Variants in ARHGEF38 observed in about 807,000 individuals in gnomAD.
The protein encoded by ARHGEF38 is Rho guanine nucleotide exchange factor (GEF) 38.
In ARHGEF38, 79 loss-of-function variants were observed where a neutral mutation model predicts 79.9. The observed-to-expected ratio is 0.99, with a 90% CI of 0.82 to 1.19. The LOEUF (loss-of-function observed/expected upper bound fraction) is 1.19, where lower values mean the gene tolerates loss of function less well. ARHGEF38 is among the 50% of genes most tolerant of loss of function. The probability of loss-of-function intolerance (pLI) is 0.00; values close to 1 mark genes in which losing one functional copy is unlikely to be tolerated. For missense variants in ARHGEF38, 962 were observed against 907.2 expected (o/e 1.06, Z -0.78); for synonymous variants, 366 against 328.3 (o/e 1.11, Z -1.24).
At chr4:105,584,002 C>T (rs1389797200) in intron 1 of ARHGEF38, among the ~76,000 whole-genome samples, 1 of 152,020 alleles carries the variant, frequency 6.6e-6, no homozygotes, top group Non-Finnish European at 1.5e-5. Flanking sequence ...TCCCTTTTCC[C>T]ACTCTTGATT....
intron 3 of ARHGEF38, among the ~76,000 whole-genome samples, chr4:105,620,276 A>G (rs1728685921): frequency 6.6e-6 from 1 of 152,182 alleles, no homozygotes; most frequent in Non-Finnish European, 1.5e-5. Flanking sequence ...TTTTAATATC[A>G]GGTTGACTTG....
At position 105,677,855 on chromosome 4, in the gene ARHGEF38, A is replaced by G. The variant is rs893025372; in HGVS notation, c.2252A>G (p.Asn751Ser). The G allele has an allele frequency of 1.8e-5, 28 of 1,535,492 alleles. No individual in the cohort carries two copies. The highest frequency in any genetic ancestry group is 2.4e-5 in the Non-Finnish European group (28 of 1,146,458). ...CTCAGGTTTTGTGACCTAAGTGGCA[A>G]TAAAGAGTGGTGGTTAGCTGAAGCT... ...HILRFCDLSG[N>S]KEWWLAEAQG... Residue 751 changes from asparagine to serine, a missense_variant, in exon 14 of 14, where the codon AAT (asparagine) becomes AGT (serine). Asn to Ser is a conservative substitution (Grantham distance 46). Coordinates refer to ENST00000420470, the MANE Select transcript of ARHGEF38 (RefSeq NM_001242729.2).
chr4:105,651,583 A>C (rs528982230), intron 7 of ARHGEF38, among the ~76,000 whole-genome samples: 2 of 152,208 alleles, frequency 1.3e-5, no homozygotes, highest in South Asian at 4.1e-4. Flanking sequence ...TAAAGACAAC[A>C]TATCTGTCAC....
intron 3 of ARHGEF38, among the ~76,000 whole-genome samples, chr4:105,614,796 T>C (rs574590204): frequency 6.6e-6 from 1 of 152,318 alleles, no homozygotes; most frequent in African/African-American, 2.4e-5. Flanking sequence ...TAGCAGCATA[T>C]TCACAAGATT....
intron 1 of ARHGEF38, among the ~76,000 whole-genome samples, chr4:105,558,647 GTTTT>G (rs1725365808): frequency 6.6e-6 from 1 of 150,874 alleles, no homozygotes; most frequent in African/African-American, 2.4e-5. Context: ...ACATCTTGCA[GTTTT>G]TAGAAGGACC....
intron 3 of ARHGEF38, among the ~76,000 whole-genome samples, chr4:105,615,134 G>A (rs1484121043): frequency 3.3e-5 from 5 of 152,326 alleles, no homozygotes; most frequent in Admixed American, 6.5e-5. Context: ...AGGAAATGAA[G>A]AGTGATCAAG....
chr4:105,599,696 G>A (rs1029404677), intron 2 of ARHGEF38, among the ~76,000 whole-genome samples: 5 of 152,106 alleles, frequency 3.3e-5, no homozygotes, highest in African/African-American at 7.2e-5. Context: ...AGTACAGGGC[G>A]ATAAATCCTG....
At chr4:105,642,434 T>C (rs1451129521) in intron 5 of ARHGEF38, among the ~76,000 whole-genome samples, 1 of 152,134 alleles carries the variant, frequency 6.6e-6, no homozygotes, top group Non-Finnish European at 1.5e-5. Context: ...AAGGGAGAGA[T>C]AGAACTTTAA....
At chr4:105,572,901 G>T (rs1417856567) in intron 1 of ARHGEF38, among the ~76,000 whole-genome samples, 2 of 151,982 alleles carry the variant, frequency 1.3e-5, no homozygotes, top group African/African-American at 4.8e-5. Context: ...AACACCTCTG[G>T]CTTATATTTT....
At chr4:105,633,319 T>C (rs2110521047) in intron 4 of ARHGEF38, among the ~76,000 whole-genome samples, 1 of 152,290 alleles carries the variant, frequency 6.6e-6, no homozygotes, top group South Asian at 2.1e-4. Context: ...CTGAGGGCAG[T>C]AGAATTATTG....
intron 1 of ARHGEF38, among the ~76,000 whole-genome samples, chr4:105,553,392 A>G (rs1021804961): frequency 9.9e-5 from 15 of 152,172 alleles, no homozygotes; most frequent in African/African-American, 3.6e-4. Flanking sequence ...CTGAACTATG[A>G]TTGTGGTTAT....
At chr4:105,640,311 GTTGA>G (rs1729567463) in intron 5 of ARHGEF38, among the ~76,000 whole-genome samples, 1 of 152,084 alleles carries the variant, frequency 6.6e-6, no homozygotes, top group Admixed American at 6.6e-5. Flanking sequence ...ATTAACAATT[GTTGA>G]TTATCGTTTT....
rs774221794 is a variant in ARHGEF38, at chr4:105,659,296, A to G, written c.1476A>G (p.Leu492=). ...QAARKILLNC[L]CSFITLLRDL... ...CTCGGAAGATTCTGTTGAACTGTCT[A>G]TGCAGCTTCATTACCCTCCTTAGGG... Residue 492 remains leucine, a synonymous_variant, in exon 10 of 14, where the codon CTA becomes CTG. Transcript: ENST00000420470. 2.0e-5 allele frequency: 30 copies of G among 1,536,056 alleles called. No homozygotes were observed. The East Asian group carries it at 5.9e-4, about 30-fold the overall frequency.
At position 105,667,444 on chromosome 4, in the gene ARHGEF38, A is replaced by G. The variant is rs1470906791; in HGVS notation, c.1889A>G (p.Asn630Ser). 6.5e-7 allele frequency: 1 copy of G among 1,536,064 alleles called. No homozygotes were observed. The highest frequency in any genetic ancestry group is 2.0e-5 in the Admixed American group (1 of 50,974). The change falls in exon 13 of 14, where the codon AAT becomes AGT. Residue 630 changes from asparagine to serine, a missense_variant and splice_region_variant. Asn to Ser is a conservative substitution (Grantham distance 46). Transcript: ENST00000420470. ...STSRWLVDTG[N>S]VKGYVYSSFL... The stretch of plus-strand genomic sequence containing the variant: ...TTCTTTCTTTTTATTTCCTATCCAG[A>G]TGTGAAAGGATATGTTTATTCCTCC...
At chr4:105,560,144 C>T (rs927057517) in intron 1 of ARHGEF38, among the ~76,000 whole-genome samples, 18 of 152,314 alleles carry the variant, frequency 1.2e-4, no homozygotes, top group African/African-American at 4.3e-4. Context: ...TAAAGCTTAA[C>T]TTGCTGTTTT....
intron 1 of ARHGEF38, among the ~76,000 whole-genome samples, chr4:105,561,437 A>G (rs1453688576): frequency 8.8e-5 from 6 of 68,526 alleles, no homozygotes; most frequent in Admixed American, 6.7e-4. Context: ...ATAGAATAGA[A>G]TAGAATAGAA....
chr4:105,617,223 A>T (rs529568246), intron 3 of ARHGEF38, among the ~76,000 whole-genome samples: 1 of 152,332 alleles, frequency 6.6e-6, no homozygotes, highest in East Asian at 1.9e-4. Context: ...TAACTTAAAA[A>T]TTAAACATTG....
intron 1 of ARHGEF38, among the ~76,000 whole-genome samples, chr4:105,557,123 C>A (rs1725287724): frequency 6.6e-6 from 1 of 152,020 alleles, no homozygotes; most frequent in East Asian, 1.9e-4. Context: ...GAAAGGGTTT[C>A]ATAAATACTT....
At position 105,552,825 on chromosome 4, in the gene ARHGEF38, C is replaced by G; in HGVS notation, c.60C>G (p.Ala20=). The G allele has an allele frequency of 6.2e-7, 1 of 1,613,024 alleles. No homozygotes were observed. The highest frequency in any genetic ancestry group is 8.5e-7 in the Non-Finnish European group (1 of 1,179,602). The part of the protein sequence containing the change: ...ENMVTKKKNL[A]FLRSRLYMLE... ...TGGTCACCAAGAAAAAGAATCTGGC[C>G]TTCTTGAGGTCTAGACTCTATATGC... Residue 20 remains alanine (A), a synonymous_variant, in exon 1 of 14, where the codon GCC becomes GCG. Coordinates refer to ENST00000420470, the MANE Select transcript of ARHGEF38 (RefSeq NM_001242729.2).
Sources: gnomAD v4.1 joint callset for allele counts (sites outside exome capture counted in the v4.1 genomes callset) on GRCh38, gnomAD v4.1.1 for gene constraint, MANE v1.5 for transcripts, NCBI Gene and HGNC (gene_info 2026-07-23, HGNC 2026-07-21) for gene names.